The following TBC1D24 variants were observed in gnomAD, a reference collection of about 807,000 sequenced individuals.
TBC1D24 encodes the protein Infantile myoclonic epilepsy.
TBC1D24 carries 47 observed loss-of-function variants against 50.7 expected under a neutral mutation model. That is an observed-to-expected ratio of 0.93 (90% CI 0.73 to 1.18). The LOEUF (loss-of-function observed/expected upper bound fraction) is 1.18, where lower values mean the gene tolerates loss of function less well. Ranked by LOEUF, TBC1D24 falls within the 50% of genes most tolerant of loss-of-function variation. The pLI is 0.00. For missense variants in TBC1D24, 688 were observed against 766.5 expected (o/e 0.90, Z 1.21); for synonymous variants, 324 against 335.2 (o/e 0.97, Z 0.36).
rs1000604020 is a variant in TBC1D24 at position 2,502,007 on chromosome 16, T to G, written c.*1049T>G. 4 of 152,746 alleles carry G rather than the reference T, an allele frequency of 2.6e-5. No individual in the cohort carries two copies. Among genetic ancestry groups the G allele is most frequent in the African/African-American group, 9.6e-5 (4 of 41,476 alleles). 9.5% of individuals were successfully genotyped at this position (152,746 alleles called of 1,614,324 possible). On this transcript the variant is annotated 3_prime_UTR_variant, in exon 8 of 8. Coordinates refer to ENST00000646147, the MANE Select transcript of TBC1D24 (RefSeq NM_001199107.2). ...CTCAGTGCAGCCCCAACTGCTTCTCTGCACCAGGCCCCGTGCCCTCCCCTG... is the reference window on the plus strand; with the variant it reads ...CTCAGTGCAGCCCCAACTGCTTCTCGGCACCAGGCCCCGTGCCCTCCCCTG...
At chr16:2,489,019 G>A (rs570106698) in intron 1 of TBC1D24, among the ~76,000 whole-genome samples, 4 of 149,842 alleles carry the variant, frequency 2.7e-5, no homozygotes, top group African/African-American at 4.9e-5. Flanking sequence ...GCAGTGTGCC[G>A]AGATCGTGCC....
At chr16:2,484,499 A>C (rs2065634038) in intron 1 of TBC1D24, 1 of 151,778 alleles carries the variant, frequency 6.6e-6, no homozygotes, top group African/African-American at 2.4e-5. Flanking sequence ...GCATGCGACC[A>C]CCCCGGGGCC....
In TBC1D24 at chr16:2,500,818, C is replaced by G. The variant is rs746057710; in HGVS notation, c.1540C>G (p.Gln514Glu). The change falls in exon 8 of 8, where the codon CAG becomes GAG. Residue 514 changes from glutamine (Q) to glutamate (E), a missense_variant. Transcript: ENST00000646147. The surrounding 1 kb of genome is among the most constrained non-coding windows in gnomAD (Gnocchi z 8.0). ...DCLIVGGGGG[Q>E]ALYIDGDLNR... ...GCATCCTGCAGGGGGAGGAGGCGGCCAGGCGCTCTACATCGATGGGGACCT... is the reference window on the plus strand; with the variant it reads ...GCATCCTGCAGGGGGAGGAGGCGGCGAGGCGCTCTACATCGATGGGGACCT... 6.2e-7 allele frequency: 1 copy of G among 1,606,102 alleles called. No homozygotes were observed. The highest frequency in any genetic ancestry group is 8.5e-7 in the Non-Finnish European group (1 of 1,179,734).
Position 2,497,556 on chromosome 16 carries a change from A to AGCGCTGTGATGGTGCC in TBC1D24, c.966-153_966-138dup, listed in dbSNP as rs576329007. The stretch of plus-strand genomic sequence containing the variant: ...TCTGTCCTATGTGGATTTGGCAGCC[A>AGCGCTGTGATGGTGCC]GCGCTGTGATGGTGCCACGCTGCGG... On this transcript the variant is annotated intron_variant, in intron 2 of 7. Coordinates refer to ENST00000646147, the MANE Select transcript of TBC1D24 (RefSeq NM_001199107.2). Among the ~76,000 whole-genome samples, 10 of 152,354 alleles carry AGCGCTGTGATGGTGCC rather than the reference A, an allele frequency of 6.6e-5. No homozygotes were observed. In the East Asian group the frequency reaches 1.9e-3, roughly 29 times the overall value.
chr16:2,497,658 TTGTCTG>T, intron 2 of TBC1D24, 46 bp from the exon 3 acceptor site: 1 of 1,521,948 alleles, frequency 6.6e-7, no homozygotes, highest in South Asian at 1.2e-5. Flanking sequence ...TAACCTCTCT[TTGTCTG>T]TTTTATTTTT....
Position 2,487,552 on chromosome 16 carries a change from A to C in TBC1D24, c.-115-8482A>C, listed in dbSNP as rs2065660333. Among the ~76,000 whole-genome samples, 1 of 152,212 alleles carries C rather than the reference A, an allele frequency of 6.6e-6. No individual in the cohort carries two copies. Among genetic ancestry groups the C allele is most frequent in the Admixed American group, 6.5e-5 (1 of 15,282 alleles). ...GGAAAATCACATTCCCCTCTGAAGA[A>C]GCGAGACGTGCAGAGGCCTCGTGAC... On this transcript the variant is annotated intron_variant, in intron 1 of 7. Coordinates refer to ENST00000646147, the MANE Select transcript of TBC1D24 (RefSeq NM_001199107.2). This position sits in a 1 kb window ranked among gnomAD's most constrained non-coding sequence, Gnocchi z 4.1.
chr16:2,490,300 C>T (rs903789057), intron 1 of TBC1D24, among the ~76,000 whole-genome samples: 20 of 152,238 alleles, frequency 1.3e-4, no homozygotes, highest in African/African-American at 4.8e-4. Context: ...CTGCTCCACA[C>T]TCAGGGAGCT....
chr16:2,497,590 CG>C (rs1273976542), intron 2 of TBC1D24, 119 bp from the exon 3 acceptor site: 1 of 978,124 alleles, frequency 1.0e-6, no homozygotes, highest in Non-Finnish European at 1.6e-6. Flanking sequence ...GGCCTGTTGG[CG>C]TGCAGCCCTC....
rs1441090755 is a variant in TBC1D24 at position 2,496,838 on chromosome 16, CGT to C, written c.691_692del (p.Val231LeufsTer52). ...PLCYFARVFD[V>X]FLVEGYKVLY... ...TCTGCTACTTCGCCCGGGTCTTTGA[CGT>C]CTTCCTGGTGGAGGGCTACAAGGTG... On this transcript the variant is annotated frameshift_variant, in exon 2 of 8. Transcript: ENST00000646147. LOFTEE classifies it high-confidence loss of function. 1 of 1,613,990 alleles carries C rather than the reference CGT, an allele frequency of 6.2e-7. No individual in the cohort carries two copies. Among genetic ancestry groups the C allele is most frequent in the African/African-American group, 1.3e-5 (1 of 74,932 alleles).
Position 2,496,861 on chromosome 16 carries a change from A to G in TBC1D24, c.713A>G (p.Lys238Arg). The G allele has an allele frequency of 6.2e-7, 1 of 1,614,086 alleles. No homozygotes were observed. Among genetic ancestry groups the G allele is most frequent in the Non-Finnish European group, 8.5e-7 (1 of 1,180,028 alleles). ...GACGTCTTCCTGGTGGAGGGCTACA[A>G]GGTGCTGTACCGCGTGGCGCTGGCC... Reference protein sequence around the residue: ...VFDVFLVEGYKVLYRVALAIL... With the variant: ...VFDVFLVEGYRVLYRVALAIL... The change falls in exon 2 of 8, where the codon AAG becomes AGG. Residue 238 changes from lysine (K) to arginine (R), a missense_variant. Physicochemically the swap from Lys to Arg is conservative, Grantham distance 26. Transcript: ENST00000646147.
intron 1 of TBC1D24, among the ~76,000 whole-genome samples, chr16:2,494,311 C>T (rs2065719429): frequency 1.3e-5 from 2 of 151,722 alleles, no homozygotes; most frequent in Middle Eastern, 3.2e-3. Context: ...ACTCAGGAGG[C>T]TGAGGCAGGA....
At chr16:2,479,289 G>C (rs1249100321) in intron 1 of TBC1D24, 2 of 152,224 alleles carry the variant, frequency 1.3e-5, no homozygotes, top group East Asian at 3.8e-4. Context: ...GTGTCTATTT[G>C]CCTTTTGGGG....
Position 2,500,828 on chromosome 16 carries a change from A to T in TBC1D24, c.1550A>T (p.Tyr517Phe). The T allele has an allele frequency of 6.2e-7, 1 of 1,607,870 alleles. No individual in the cohort carries two copies. The highest frequency in any genetic ancestry group is 8.5e-7 in the Non-Finnish European group (1 of 1,179,864). ...IVGGGGGQAL[Y>F]IDGDLNRGRT... ...GGGGGAGGAGGCGGCCAGGCGCTCTACATCGATGGGGACCTGAACCGGGGC... is the reference window on the plus strand; with the variant it reads ...GGGGGAGGAGGCGGCCAGGCGCTCTTCATCGATGGGGACCTGAACCGGGGC... Residue 517 changes from tyrosine (Y) to phenylalanine (F), a missense_variant, in exon 8 of 8, where the codon TAC becomes TTC. Tyr to Phe is a conservative substitution (Grantham distance 22, BLOSUM62 3). Transcript: ENST00000646147. The surrounding 1 kb of genome is among the most constrained non-coding windows in gnomAD (Gnocchi z 8.0).
In TBC1D24 at chr16:2,487,793, G is replaced by A. The variant is rs1341984160; in HGVS notation, c.-115-8241G>A. Among the ~76,000 whole-genome samples the A allele has an allele frequency of 6.6e-6, 1 of 152,174 alleles. No individual in the cohort carries two copies. Among genetic ancestry groups the A allele is most frequent in the Non-Finnish European group, 1.5e-5 (1 of 68,012 alleles). ...GCCTGTGTCTCCAGGACTCGTGGGA[G>A]GGCCCTGGTACTAGAAGTGGCCGAG... On this transcript the variant is annotated intron_variant, in intron 1 of 7. Coordinates refer to ENST00000646147, the MANE Select transcript of TBC1D24 (RefSeq NM_001199107.2). This position sits in a 1 kb window ranked among gnomAD's most constrained non-coding sequence, Gnocchi z 4.1.
At position 2,498,748 on chromosome 16, in the gene TBC1D24, G is replaced by A. The variant is rs1214815243; in HGVS notation, c.1142+352G>A. Among the ~76,000 whole-genome samples, 9 of 152,340 alleles carry A rather than the reference G, an allele frequency of 5.9e-5. 1 individual carries two copies. The East Asian group carries it at 1.7e-3, about 29-fold the overall frequency. On this transcript the variant is annotated intron_variant, in intron 4 of 7. Transcript: ENST00000646147. ...TCATCCACATGGTGCTCTGTCGGGGGCCTGGGGCATGCTGCCCTCCAGGGT... is the reference window on the plus strand; with the variant it reads ...TCATCCACATGGTGCTCTGTCGGGGACCTGGGGCATGCTGCCCTCCAGGGT...
rs1555501245 is a variant in TBC1D24 at position 2,496,704 on chromosome 16, C to A, written c.556C>A (p.Leu186Met). ...FESSCMTFGD[L>M]VNKYCQAAHK... ...GTCGTCCTGCATGACGTTTGGGGACCTGGTGAACAAGTACTGCCAGGCGGC... is the reference window on the plus strand; with the variant it reads ...GTCGTCCTGCATGACGTTTGGGGACATGGTGAACAAGTACTGCCAGGCGGC... The change falls in exon 2 of 8, where the codon CTG (leucine) becomes ATG (methionine). Residue 186 changes from leucine (L) to methionine (M), a missense_variant. By Grantham distance (15) the Leu-to-Met change is conservative. Coordinates refer to ENST00000646147, the MANE Select transcript of TBC1D24 (RefSeq NM_001199107.2). The A allele has an allele frequency of 6.2e-7, 1 of 1,613,618 alleles. No individual in the cohort carries two copies. The highest frequency in any genetic ancestry group is 1.3e-5 in the African/African-American group (1 of 75,054).
At position 2,500,136 on chromosome 16, in the gene TBC1D24, C is replaced by T. The variant is rs2065778856; in HGVS notation, c.1303-132C>T. On this transcript the variant is annotated intron_variant, in intron 6 of 7. Coordinates refer to ENST00000646147, the MANE Select transcript of TBC1D24 (RefSeq NM_001199107.2). The surrounding 1 kb of genome is among the most constrained non-coding windows in gnomAD (Gnocchi z 8.0). ...TTCATCTGCTCGAGCCACCAGCTCC[C>T]CAGCCCCTGGCTCGGGCTGCACCCA... The T allele has an allele frequency of 2.9e-6, 3 of 1,037,592 alleles. No homozygotes were observed. The Admixed American group carries it at 6.0e-5, about 21-fold the overall frequency. 64.3% of individuals were successfully genotyped at this position (1,037,592 alleles called of 1,614,324 possible).
Position 2,498,262 on chromosome 16 carries a change from T to G in TBC1D24, c.1008T>G (p.His336Gln), listed in dbSNP as rs961839071. ...GGCAGTTTGTACACTTGGCCGTCCA[T>G]GCAGAGAACTTCCGCTCGGAGATCG... is the stretch of plus-strand genomic sequence containing the variant. Reference protein sequence around the residue: ...SKRQFVHLAVHAENFRSEIVS... With the variant: ...SKRQFVHLAVQAENFRSEIVS... Residue 336 changes from histidine (H) to glutamine (Q), a missense_variant, in exon 4 of 8, where the codon CAT becomes CAG. Transcript: ENST00000646147. 6.2e-7 allele frequency: 1 copy of G among 1,610,872 alleles called. No homozygotes were observed. Among genetic ancestry groups the G allele is most frequent in the African/African-American group, 1.3e-5 (1 of 74,836 alleles).
At chr16:2,480,872 C>T (rs1028998344) in intron 1 of TBC1D24, 1 of 152,296 alleles carries the variant, frequency 6.6e-6, no homozygotes, top group East Asian at 1.9e-4. Context: ...CTAGTAAATC[C>T]CAGGCCTCTG....
Sources: gnomAD v4.1 joint callset for allele counts (sites outside exome capture counted in the v4.1 genomes callset) on GRCh38, gnomAD v4.1.1 for gene constraint, Gnocchi (gnomAD v3.1) non-coding constraint, MANE v1.5 for transcripts, NCBI Gene and HGNC (gene_info 2026-07-23, HGNC 2026-07-21) for gene names.